Variants in MTHFD1 observed in about 807,000 individuals in gnomAD.
MTHFD1 encodes C-1-tetrahydrofolate synthase, cytoplasmic.
Under a neutral mutation model 110.3 loss-of-function variants are expected in MTHFD1, and 44 were observed. The observed-to-expected ratio is 0.40, with a 90% CI of 0.31 to 0.51. The LOEUF (loss-of-function observed/expected upper bound fraction) is 0.51, where lower values mean the gene tolerates loss of function less well. Ranked by LOEUF, MTHFD1 falls within the 20% of genes least tolerant of loss-of-function variation. The pLI is 0.60. For missense variants in MTHFD1, 909 were observed against 1,173.1 expected, an observed-to-expected ratio of 0.77 and a Z score of 3.29; for synonymous variants, 402 against 428.8, an observed-to-expected ratio of 0.94 and a Z score of 0.77.
chr14:64,403,260 C>T (rs967613617), intron 2 of MTHFD1, among the ~76,000 whole-genome samples: 1 of 143,524 alleles, frequency 7.0e-6, no homozygotes, highest in African/African-American at 2.6e-5. Flanking sequence ...ATTACAGGCA[C>T]CTGCCATTGC....
rs368031277 is a variant in MTHFD1, at chr14:64,431,517, T to C, written c.1312-15T>C. The C allele has an allele frequency of 4.1e-5, 65 of 1,600,392 alleles. No homozygotes were observed. The highest frequency in any genetic ancestry group is 1.7e-4 in the Middle Eastern group (1 of 6,058). ...GAGCAGCTGGGAGACTAATGTGGCTTCTGTTCTTTTGTAGTTTAATCTCCA... is the reference window on the plus strand; with the variant it reads ...GAGCAGCTGGGAGACTAATGTGGCTCCTGTTCTTTTGTAGTTTAATCTCCA... On this transcript the variant is annotated splice_polypyrimidine_tract_variant and intron_variant, in intron 13 of 27. Transcript: ENST00000652337.
At chr14:64,444,830 G>A (rs2078277887) in intron 22 of MTHFD1, 96 bp downstream of exon 22, 5 of 1,396,412 alleles carry the variant, frequency 3.6e-6, no homozygotes, top group Middle Eastern at 1.8e-4. Context: ...ATGGGTTATT[G>A]CTGTGACCCA....
rs1241199433 is a variant in MTHFD1, at chr14:64,439,084, T to C, written c.1598-12T>C. On this transcript the variant is annotated splice_polypyrimidine_tract_variant and intron_variant, in intron 16 of 27. Transcript: ENST00000652337. ...ACTCAAAATCGTTCTATATCTTGCC[T>C]GTCTGCTGTAGTGTTGGATACCAAT... 2.5e-6 allele frequency: 4 copies of C among 1,609,500 alleles called. No homozygotes were observed. The African/African-American group carries it at 4.0e-5, about 16-fold the overall frequency.
At chr14:64,399,656 C>CAAAAAAAAAAAA (rs34735594) in intron 1 of MTHFD1, among the ~76,000 whole-genome samples, 1 of 113,188 alleles carries the variant, frequency 8.8e-6, no homozygotes, top group African/African-American at 3.8e-5. Context: ...GTCCCCATCT[C>CAAAAAAAAAAAA]AAAAAAAAAA....
rs768255846 is a variant in MTHFD1 at position 64,441,419 on chromosome 14, A to G, written c.1850A>G (p.Asp617Gly). The change falls in exon 19 of 28, where the codon GAC becomes GGC. Residue 617 changes from aspartate to glycine, a missense_variant. Around this residue, in one of 3 missense-constraint regions of MTHFD1, gnomAD observed 482 missense variants for 646.0 expected, o/e 0.75. Coordinates refer to ENST00000652337, the MANE Select transcript of MTHFD1 (RefSeq NM_005956.4). Reference sequence around the variant, plus strand: ...GGTGCACTGACAGTGCTTATGAAGGACGCAATCAAGCCCAATCTCATGCAG... The same window carrying G: ...GGTGCACTGACAGTGCTTATGAAGGGCGCAATCAAGCCCAATCTCATGCAG... ...VSGALTVLMK[D>G]AIKPNLMQTL... 1 of 1,613,930 alleles carries G rather than the reference A, an allele frequency of 6.2e-7. No individual in the cohort carries two copies. Among genetic ancestry groups the G allele is most frequent in the Non-Finnish European group, 8.5e-7 (1 of 1,179,980 alleles).
intron 13 of MTHFD1, 53 bp downstream of exon 13, chr14:64,430,283 G>T: frequency 1.3e-6 from 2 of 1,535,112 alleles, no homozygotes; most frequent in Non-Finnish European, 1.8e-6. Context: ...TTGTCGGGGG[G>T]GAGGGTGCTG....
In MTHFD1 at chr14:64,458,015, C is replaced by T. The variant is rs926605976; in HGVS notation, c.2719-199C>T. The T allele has an allele frequency of 4.5e-5, 28 of 615,814 alleles. 1 individual carries two copies. The Admixed American group carries it at 6.9e-4, about 15-fold the overall frequency. The allele number at this position is 615,814 out of a possible 1,614,324, so 38.1% of individuals were successfully genotyped here. On this transcript the variant is annotated intron_variant, in intron 26 of 27. Transcript: ENST00000652337. ...AAGCAATCCTCCTGCCTTAGCATCC[C>T]AAGTAGCTGGAACTACAGGCACATG...
intron 15 of MTHFD1, among the ~76,000 whole-genome samples, chr14:64,434,618 C>T (rs745848664): frequency 5.9e-5 from 9 of 152,248 alleles, no homozygotes; most frequent in Middle Eastern, 3.4e-3. Context: ...AATCCCTTCA[C>T]GTCCTTCACA....
Position 64,417,946 on chromosome 14 carries a change from C to T in MTHFD1, c.537C>T (p.Ala179=), listed in dbSNP as rs1278665671. 2 of 1,613,822 alleles carry T rather than the reference C, an allele frequency of 1.2e-6. No individual in the cohort carries two copies. Among genetic ancestry groups the T allele is most frequent in the South Asian group, 2.2e-5 (2 of 91,056 alleles). Residue 179 remains alanine, a synonymous_variant, in exon 7 of 28, where the codon GCC becomes GCT. Transcript: ENST00000652337. This position sits in a 1 kb window ranked among gnomAD's most constrained non-coding sequence, Gnocchi z 4.4. ...VVVGRSKIVG[A]PMHDLLLWNN... is the part of the protein sequence containing the mutation. ...TTGGGCGCAGTAAAATAGTTGGGGC[C>T]CCGATGCATGACTTGCTTCTGTGGA...
chr14:64,442,859 G>A (rs190872363), intron 21 of MTHFD1, among the ~76,000 whole-genome samples: 30 of 152,180 alleles, frequency 2.0e-4, no homozygotes, highest in African/African-American at 6.3e-4. Flanking sequence ...GTGGGGGAGA[G>A]GAGAATGGCA....
chr14:64,447,408 C>T (rs191331603), intron 22 of MTHFD1, among the ~76,000 whole-genome samples: 233 of 151,416 alleles, frequency 1.5e-3, no homozygotes, highest in African/African-American at 5.4e-3. Flanking sequence ...CCTGCCTCGG[C>T]CCCCCAAAGT....
At chr14:64,453,353 C>T (rs1295928871) in intron 24 of MTHFD1, among the ~76,000 whole-genome samples, 1 of 152,032 alleles carries the variant, frequency 6.6e-6, no homozygotes, top group African/African-American at 2.4e-5. Context: ...TGGCAGATCA[C>T]CTGAGGTTGG....
At chr14:64,457,919 G>C (rs747056641) in intron 26 of MTHFD1, 30 of 493,716 alleles carry the variant, frequency 6.1e-5, no homozygotes, top group Non-Finnish European at 1.5e-5. Context: ...GTTTATTTTA[G>C]ACATGGCCTT....
intron 11 of MTHFD1, 95 bp from the exon 12 acceptor site, chr14:64,427,242 T>C: frequency 7.1e-7 from 1 of 1,401,436 alleles, no homozygotes; most frequent in Non-Finnish European, 1.0e-6. Flanking sequence ...AATCTTTAGA[T>C]TACGAGTCAT....
rs199858156 is a variant in MTHFD1 at position 64,453,782 on chromosome 14, T to C, written c.2486T>C (p.Ile829Thr). 10 of 1,611,898 alleles carry C rather than the reference T, an allele frequency of 6.2e-6. No individual in the cohort carries two copies. The highest frequency in any genetic ancestry group is 7.6e-6 in the Non-Finnish European group (9 of 1,178,194). The change falls in exon 25 of 28, where the codon ATT becomes ACT. Residue 829 changes from isoleucine to threonine, a missense_variant. Ile to Thr is a moderately conservative substitution (Grantham distance 89). Around this residue, in one of 3 missense-constraint regions of MTHFD1, gnomAD observed 482 missense variants for 646.0 expected, o/e 0.75. Coordinates refer to ENST00000652337, the MANE Select transcript of MTHFD1 (RefSeq NM_005956.4). ...CCAGTTGAGGATAAAATCAGGATCA[T>C]TGCACAGAAGATCTATGGAGCAGAT... ...KLPVEDKIRI[I>T]AQKIYGADDI...
chr14:64,449,023 T>G (rs914370146), intron 23 of MTHFD1: 1 of 309,064 alleles, frequency 3.2e-6, no homozygotes, highest in African/African-American at 2.2e-5. Context: ...ATGGTCTCGA[T>G]CTCCTGACCT....
At chr14:64,394,786 A>G (rs2077834165) in intron 1 of MTHFD1, among the ~76,000 whole-genome samples, 1 of 152,048 alleles carries the variant, frequency 6.6e-6, no homozygotes, top group Admixed American at 6.6e-5. Context: ...TTTTCTACCT[A>G]AGGTTTTGTT....
chr14:64,419,372 GCA>G (rs71123847), intron 7 of MTHFD1: 200,886 of 247,600 alleles, frequency 0.81, 82,088 homozygotes, highest in South Asian at 0.92. Context: ...CCAAGAATGC[GCA>G]CACACACACA....
At position 64,424,723 on chromosome 14, in the gene MTHFD1, A is replaced by T. The variant is rs115851672; in HGVS notation, c.728-81A>T. On this transcript the variant is annotated intron_variant, in intron 8 of 27. Transcript: ENST00000652337. ...CCTGATGGGACTAACACACCCTACA[A>T]TTCTGCTGAGTTTTTGTCGTAACTG... The T allele has an allele frequency of 4.7e-4, 712 of 1,529,060 alleles. 3 individuals are homozygous for T. In the African/African-American group the frequency reaches 7.6e-3, roughly 16 times the overall value. The allele number at this position is 1,529,060 out of a possible 1,614,324, so 94.7% of individuals were successfully genotyped here.
Sources: allele counts gnomAD v4.1 joint callset (sites outside exome capture counted in the v4.1 genomes callset), GRCh38; gene constraint gnomAD v4.1.1; regional missense constraint gnomAD v4.1.1; non-coding constraint Gnocchi (gnomAD v3.1); transcripts MANE v1.5; gene names NCBI Gene and HGNC (gene_info 2026-07-23, HGNC 2026-07-21).